ADGRD2: variants seen among roughly 807,000 people sequenced by gnomAD.
ADGRD2 encodes the protein G protein-coupled receptor PGR24.
ADGRD2 carries 71 observed loss-of-function variants against 44.4 expected under a neutral mutation model. That is an observed-to-expected ratio of 1.60 (90% CI 1.32 to 1.95). ADGRD2 has a LOEUF of 1.95. Ranked by LOEUF, ADGRD2 falls within the 30% of genes most tolerant of loss-of-function variation. The pLI is 0.00. For synonymous variants in ADGRD2, 481 were observed against 224.8 expected (o/e 2.14, Z -10.19); for missense variants, 1,039 against 512.4 (o/e 2.03, Z -9.92).
chr9:124,474,867 C>T (rs564953186), intron 17 of ADGRD2, among the ~76,000 whole-genome samples: 1 of 152,196 alleles, frequency 6.6e-6, no homozygotes, highest in African/African-American at 2.4e-5. Context: ...GTGAGGCCCT[C>T]TTGGTCCCAC....
At chr9:124,471,779 C>T (rs1256435897) in intron 17 of ADGRD2, among the ~76,000 whole-genome samples, 2 of 152,200 alleles carry the variant, frequency 1.3e-5, no homozygotes, top group African/African-American at 2.4e-5. Flanking sequence ...TGCTGGGTGC[C>T]AGGCCGCAGC....
chr9:124,466,359 C>T lies in ADGRD2; in HGVS notation c.1974C>T (p.Cys658=), dbSNP rs547020463. 121 of 717,734 alleles carry T rather than the reference C, an allele frequency of 1.7e-4. 1 individual carries two copies. The African/African-American group carries it at 2.0e-3, about 12-fold the overall frequency. The allele number at this position is 717,734 out of a possible 1,614,324, so 44.5% of individuals were successfully genotyped here. ...CCCTGTACCTGGACTCCACCGCCTG[C>T]TTCTGCAACCACAGCACCAGCTTTG... The change falls in exon 11 of 22, where the codon TGC becomes TGT. Residue 658 remains cysteine, a synonymous_variant. Coordinates refer to ENST00000334810, the Ensembl canonical transcript of ADGRD2.
chr9:124,470,863 A>G (rs1831933988), intron 17 of ADGRD2, among the ~76,000 whole-genome samples: 1 of 152,236 alleles, frequency 6.6e-6, no homozygotes, highest in East Asian at 1.9e-4. Flanking sequence ...AGACCCAGAA[A>G]GAGGGTGTTA....
intron 17 of ADGRD2, among the ~76,000 whole-genome samples, chr9:124,471,667 G>A (rs1244823872): frequency 6.6e-6 from 1 of 152,208 alleles, no homozygotes; most frequent in African/African-American, 2.4e-5. Flanking sequence ...ATCCAGCTAT[G>A]ACCACAGATG....
At position 124,454,151 on chromosome 9, in the gene ADGRD2, G is replaced by C; in HGVS notation, c.1022+54G>C. ...GCTGAAGGGAAAGCCGGTGTGGACC[G>C]GAGTAGACTGAGAGGGGGTGAGCTG... On this transcript the variant is annotated intron_variant, in intron 4 of 21. Coordinates refer to ENST00000334810, the Ensembl canonical transcript of ADGRD2. The surrounding 1 kb of genome is among the most constrained non-coding windows in gnomAD (Gnocchi z 4.5). 2 of 624,198 alleles carry C rather than the reference G, an allele frequency of 3.2e-6. No homozygotes were observed. Among genetic ancestry groups the C allele is most frequent in the Admixed American group, 2.8e-5 (1 of 35,164 alleles). The allele number at this position is 624,198 out of a possible 1,614,324, so 38.7% of individuals were successfully genotyped here.
chr9:124,471,259 C>A (rs979825519), intron 17 of ADGRD2, among the ~76,000 whole-genome samples: 1 of 152,104 alleles, frequency 6.6e-6, no homozygotes. Context: ...CTCGACCTCC[C>A]TGGACCACCC....
intron 10 of ADGRD2, among the ~76,000 whole-genome samples, chr9:124,460,862 T>C (rs1018235074): frequency 6.6e-6 from 1 of 152,204 alleles, no homozygotes; most frequent in African/African-American, 2.4e-5. Context: ...ATATTTTAAC[T>C]TCCTAAGAGA....
chr9:124,464,893 T>A (rs1831789677), intron 10 of ADGRD2, among the ~76,000 whole-genome samples: 1 of 152,204 alleles, frequency 6.6e-6, no homozygotes, highest in Non-Finnish European at 1.5e-5. Context: ...ATGTTGTGAA[T>A]TCTTCCTTTA....
intron 1 of ADGRD2, 111 bp downstream of exon 4, chr9:124,452,265 G>A: frequency 1.6e-6 from 1 of 636,782 alleles, no homozygotes; most frequent in South Asian, 1.9e-5. Flanking sequence ...GTAACATTTA[G>A]TTCCACCCCC....
upstream of ADGRD2, chr9:124,452,010 CCA>C: frequency 2.4e-6 from 1 of 408,456 alleles, no homozygotes. Context: ...CCCCTCCCAC[CCA>C]CCCCCAGAGT....
chr9:124,472,252 A>G (rs929597893), intron 17 of ADGRD2, among the ~76,000 whole-genome samples: 2 of 151,554 alleles, frequency 1.3e-5, no homozygotes, highest in African/African-American at 2.4e-5. Flanking sequence ...CCCAATCTTC[A>G]TCTCTGAATC....
chr9:124,454,076 T>C lies in ADGRD2; in HGVS notation c.1003T>C (p.Phe335Leu). ...TGAGCTCTGCCTGGAGCCGCAGCCC[T>C]TCCTCTGCTGCTACCGGACAGGTGC... Residue 335 changes from phenylalanine to leucine, a missense_variant, in exon 4 of 22, where the codon TTC becomes CTC. Transcript: ENST00000334810. The surrounding 1 kb of genome is among the most constrained non-coding windows in gnomAD (Gnocchi z 4.5). The C allele has an allele frequency of 1.4e-6, 1 of 711,906 alleles. No homozygotes were observed. The highest frequency in any genetic ancestry group is 1.5e-5 in the South Asian group (1 of 66,802). 44.1% of individuals were successfully genotyped at this position (711,906 alleles called of 1,614,324 possible). A position where few individuals can be genotyped will look rare whatever the true frequency, so the allele number is the denominator to read the frequency against.
chr9:124,455,201 C>T (rs1159794476), intron 6 of ADGRD2, 74 bp downstream of exon 9: 43 of 608,590 alleles, frequency 7.1e-5, no homozygotes, highest in Non-Finnish European at 4.8e-5. Context: ...GGTTGTGTAG[C>T]TGTGGGGGAG....
At chr9:124,472,241 T>A (rs1236171248) in intron 17 of ADGRD2, among the ~76,000 whole-genome samples, 1 of 152,170 alleles carries the variant, frequency 6.6e-6, no homozygotes, top group Non-Finnish European at 1.5e-5. Flanking sequence ...TTCCTCTCTG[T>A]CCCAATCTTC....
chr9:124,453,582 G>A (rs779669205), exon 3 of ADGRD2: 1 of 699,526 alleles, frequency 1.4e-6, no homozygotes, highest in Non-Finnish European at 2.6e-6. Flanking sequence ...CCTGCGCGCC[G>A]CCCTCAGAGG....
chr9:124,452,356 C>A, intron 1 of ADGRD2, 154 bp from the exon 5 acceptor site: 1 of 650,102 alleles, frequency 1.5e-6, no homozygotes. Flanking sequence ...AAGAGCTCTG[C>A]AAGAGGACAG....
At chr9:124,453,319 T>G (rs1172661446) in exon 3 of ADGRD2, 2 of 486,452 alleles carry the variant, frequency 4.1e-6, no homozygotes, top group African/African-American at 4.1e-5. Flanking sequence ...CGACGGCCGC[T>G]GGCACCATGT....
At chr9:124,474,276 C>CA (rs397947760) in intron 17 of ADGRD2, among the ~76,000 whole-genome samples, 42,213 of 80,464 alleles carry the variant, frequency 0.52, 10,159 homozygotes, top group Admixed American at 0.59. Flanking sequence ...AACTCTGTCT[C>CA]AAAAAAAAAA....
At chr9:124,470,996 T>C (rs71495522) in intron 17 of ADGRD2, among the ~76,000 whole-genome samples, 1 of 152,208 alleles carries the variant, frequency 6.6e-6, no homozygotes, top group Non-Finnish European at 1.5e-5. Flanking sequence ...CACCTCCCCC[T>C]TGGGGTCTGC....
Sources: gnomAD v4.1 joint callset for allele counts (sites outside exome capture counted in the v4.1 genomes callset) on GRCh38, gnomAD v4.1.1 for gene constraint, Gnocchi (gnomAD v3.1) non-coding constraint, MANE v1.5 for transcripts, NCBI Gene and HGNC (gene_info 2026-07-23, HGNC 2026-07-21) for gene names.